Variants in NAALADL2 observed in about 807,000 individuals in gnomAD.
NAALADL2 encodes the protein N-acetylated alpha-linked acidic dipeptidase like 2.
NAALADL2 carries 76 observed loss-of-function variants against 87.2 expected under a neutral mutation model. That is an observed-to-expected ratio of 0.87 (90% CI 0.72 to 1.05). The LOEUF (loss-of-function observed/expected upper bound fraction) is 1.05, where lower values mean the gene tolerates loss of function less well. Among genes scored for constraint, NAALADL2 ranks in the 50% least tolerant of loss-of-function variants. The pLI, the probability that NAALADL2 is intolerant of heterozygous loss-of-function variation, is 0.00. For missense variants in NAALADL2, 1,089 were observed against 945.8 expected (o/e 1.15, Z -1.99); for synonymous variants, 354 against 331.0 (o/e 1.07, Z -0.75).
intron 5 of NAALADL2, among the ~76,000 whole-genome samples, chr3:175,402,382 A>G (rs1464715819): frequency 6.6e-6 from 1 of 152,080 alleles, no homozygotes; most frequent in Non-Finnish European, 1.5e-5. Flanking sequence ...TTCTTGCCTC[A>G]TAACTGGGTC....
chr3:175,059,645 T>C, intron 1 of NAALADL2: 1 of 363,000 alleles, frequency 2.8e-6, no homozygotes, highest in Non-Finnish European at 5.2e-6. Flanking sequence ...TTTGGCTTTC[T>C]TTGATTCATT....
intron 9 of NAALADL2, among the ~76,000 whole-genome samples, chr3:175,545,825 T>A (rs6762159): frequency 6.6e-6 from 1 of 152,170 alleles, no homozygotes; most frequent in African/African-American, 2.4e-5. Context: ...CTTTAATATT[T>A]AACCATTGTA....
chr3:175,434,865 C>T (rs1159990172), intron 5 of NAALADL2, among the ~76,000 whole-genome samples: 2 of 152,008 alleles, frequency 1.3e-5, no homozygotes, highest in East Asian at 3.9e-4. Flanking sequence ...GACTACTCTC[C>T]TCAAAGTAAA....
In NAALADL2 at chr3:175,809,451, T is replaced by C. The variant is rs1754974451; in HGVS notation, c.*6248T>C. 1 of 80,862 alleles carries C rather than the reference T, an allele frequency of 1.2e-5. No homozygotes were observed. The highest frequency in any genetic ancestry group is 2.1e-5 in the Non-Finnish European group (1 of 46,976). The allele number at this position is 80,862 out of a possible 1,614,324, so 5.0% of individuals were successfully genotyped here. ...TTTCTAGAACACTGTGCAGGACTAA[T>C]TTTTTTTTAATAGACATCCAGAAAA... On this transcript the variant is annotated 3_prime_UTR_variant, in exon 14 of 14. Transcript: ENST00000454872.
intron 1 of NAALADL2, among the ~76,000 whole-genome samples, chr3:174,919,333 ATCT>A (rs1169794068): frequency 2.0e-5 from 3 of 152,286 alleles, no homozygotes; most frequent in Admixed American, 6.5e-5. Flanking sequence ...ATTGGAGTTA[ATCT>A]TCTGAAATCT....
chr3:174,824,796 T>C (rs1457342845), intron 3 of NAALADL2, among the ~76,000 whole-genome samples: 6 of 152,206 alleles, frequency 3.9e-5, no homozygotes, highest in Non-Finnish European at 7.3e-5. Flanking sequence ...AAAATGGCCA[T>C]ACTGTTCCTA....
intron 2 of NAALADL2, among the ~76,000 whole-genome samples, chr3:174,680,688 T>C (rs1727454400): frequency 6.6e-6 from 1 of 152,214 alleles, no homozygotes; most frequent in Non-Finnish European, 1.5e-5. Context: ...TGCTTTTGGA[T>C]ATTTTGTGCC....
chr3:174,721,778 C>T (rs569704463), intron 2 of NAALADL2, among the ~76,000 whole-genome samples: 6 of 152,224 alleles, frequency 3.9e-5, no homozygotes, highest in Non-Finnish European at 5.9e-5. Context: ...CGCAGGGTCA[C>T]GTGGAGCACC....
chr3:175,111,483 A>G (rs1580506206), intron 2 of NAALADL2, among the ~76,000 whole-genome samples: 1 of 151,912 alleles, frequency 6.6e-6, no homozygotes, highest in South Asian at 2.1e-4. Flanking sequence ...ACCTAGAACT[A>G]TTGCTGAAAT....
intron 1 of NAALADL2, among the ~76,000 whole-genome samples, chr3:175,075,208 G>T (rs1156271735): frequency 6.6e-6 from 1 of 152,122 alleles, no homozygotes; most frequent in Non-Finnish European, 1.5e-5. Flanking sequence ...CTGTCAAACA[G>T]TCACTGAACC....
At chr3:175,530,588 A>G (rs1435560878) in intron 9 of NAALADL2, among the ~76,000 whole-genome samples, 1 of 152,116 alleles carries the variant, frequency 6.6e-6, no homozygotes, top group Non-Finnish European at 1.5e-5. Flanking sequence ...CCATCTGTGA[A>G]CCAGGCCCTA....
At position 175,258,831 on chromosome 3, in the gene NAALADL2, A is replaced by G. The variant is rs12490851; in HGVS notation, c.939+2301A>G. On this transcript the variant is annotated intron_variant, in intron 4 of 13. Transcript: ENST00000454872. ...GATGGGTTTACTAAGCATTTAATAAATAAATACAAAAATAAATTATCTGTG... is the reference window on the plus strand; with the variant it reads ...GATGGGTTTACTAAGCATTTAATAAGTAAATACAAAAATAAATTATCTGTG... 7.2e-4 allele frequency among the ~76,000 whole-genome samples: 110 copies of G among 152,310 alleles called. 2 individuals carry two copies. Among genetic ancestry groups the G allele is most frequent in the Admixed American group, 6.3e-3 (97 of 15,298 alleles).
chr3:174,890,133 T>C (rs1048234476), intron 1 of NAALADL2, among the ~76,000 whole-genome samples: 1 of 152,154 alleles, frequency 6.6e-6, no homozygotes, highest in African/African-American at 2.4e-5. Context: ...ATGACGTTTC[T>C]AGTAATCTCT....
chr3:175,670,086 A>C (rs548844784), intron 11 of NAALADL2, among the ~76,000 whole-genome samples: 2 of 152,114 alleles, frequency 1.3e-5, no homozygotes, highest in East Asian at 3.9e-4. Flanking sequence ...CGATAACTTT[A>C]TGAAGTGAGA....
chr3:175,039,895 TGC>T (rs1753854800), intron 1 of NAALADL2, among the ~76,000 whole-genome samples: 1 of 152,222 alleles, frequency 6.6e-6, no homozygotes, highest in African/African-American at 2.4e-5. Context: ...CCTTTAGTTT[TGC>T]GGTTGAATAT....
chr3:174,934,207 T>C (rs1432319546), intron 1 of NAALADL2, among the ~76,000 whole-genome samples: 3 of 152,166 alleles, frequency 2.0e-5, no homozygotes, highest in Non-Finnish European at 4.4e-5. Context: ...GCACCTAAAG[T>C]AGGATTTCAC....
intron 10 of NAALADL2, among the ~76,000 whole-genome samples, chr3:175,598,748 A>G (rs1270696066): frequency 6.6e-6 from 1 of 152,070 alleles, no homozygotes; most frequent in African/African-American, 2.4e-5. Flanking sequence ...CCGTGTATTT[A>G]CCTTTCTTTC....
chr3:174,599,609 C>T (rs575148975), intron 2 of NAALADL2, among the ~76,000 whole-genome samples: 1 of 152,046 alleles, frequency 6.6e-6, no homozygotes, highest in African/African-American at 2.4e-5. Context: ...AATACTGATA[C>T]CTGATTATTT....
At chr3:175,691,243 T>C (rs1736998725) in intron 11 of NAALADL2, among the ~76,000 whole-genome samples, 1 of 150,776 alleles carries the variant, frequency 6.6e-6, no homozygotes, top group Admixed American at 6.6e-5. Context: ...TGTGTGTATA[T>C]ATACACACAG....
Sources: gnomAD v4.1 joint callset for allele counts (sites outside exome capture counted in the v4.1 genomes callset) on GRCh38, gnomAD v4.1.1 for gene constraint, MANE v1.5 for transcripts, NCBI Gene and HGNC (gene_info 2026-07-23, HGNC 2026-07-21) for gene names.